Variants in ERCC8 observed in about 807,000 individuals in gnomAD.
The protein encoded by ERCC8 is ERCC excision repair 8, CSA ubiquitin ligase complex subunit.
ERCC8 carries 52 observed loss-of-function variants against 54.9 expected under a neutral mutation model. The observed-to-expected ratio is 0.95, with a 90% CI of 0.76 to 1.19. The LOEUF is 1.19. Ranked by LOEUF, ERCC8 falls within the 50% of genes most tolerant of loss-of-function variation. The pLI is 0.00. For missense variants in ERCC8, 514 were observed against 466.1 expected (o/e 1.10, Z -0.95); for synonymous variants, 146 against 157.2 (o/e 0.93, Z 0.53).
intron 1 of ERCC8, among the ~76,000 whole-genome samples, chr5:60,944,523 T>C (rs1750365384): frequency 6.6e-6 from 1 of 152,230 alleles, no homozygotes; most frequent in African/African-American, 2.4e-5. Context: ...TCCTGGCCTG[T>C]GTCCTCTGCC....
chr5:60,940,501 G>A (rs1000152795), intron 1 of ERCC8, among the ~76,000 whole-genome samples: 1 of 152,230 alleles, frequency 6.6e-6, no homozygotes, highest in South Asian at 2.1e-4. Context: ...GGCCAAAACA[G>A]GGAGTCCCAG....
intron 9 of ERCC8, among the ~76,000 whole-genome samples, chr5:60,891,629 AG>A (rs1434379933): frequency 6.9e-6 from 1 of 145,946 alleles, no homozygotes; most frequent in African/African-American, 2.6e-5. Flanking sequence ...TTTTTTGGGG[AG>A]GGGGTAATGA....
intron 1 of ERCC8, among the ~76,000 whole-genome samples, chr5:60,938,088 TTA>T (rs1340493028): frequency 0.24 from 6,460 of 27,394 alleles, 532 homozygotes; most frequent in African/African-American, 0.31. Context: ...TATATATATT[TTA>T]TTTTTTTTTT....
At chr5:60,936,157 T>G in intron 1 of ERCC8, among the ~76,000 whole-genome samples, 1 of 152,036 alleles carries the variant, frequency 6.6e-6, no homozygotes, top group East Asian at 1.9e-4. Flanking sequence ...TACCTAAACT[T>G]TTTTTGGTAA....
At chr5:60,940,343 T>G (rs1750220999) in intron 1 of ERCC8, among the ~76,000 whole-genome samples, 1 of 152,242 alleles carries the variant, frequency 6.6e-6, no homozygotes, top group South Asian at 2.1e-4. Flanking sequence ...AATTGTTTTC[T>G]CTGTTCATCA....
At chr5:60,944,826 G>A (rs956195083) in intron 1 of ERCC8, 106 bp downstream of exon 1, 7 of 840,772 alleles carry the variant, frequency 8.3e-6, no homozygotes, top group Non-Finnish European at 1.0e-5. Flanking sequence ...GCAAATAATA[G>A]TTTGGTGGCA....
At chr5:60,893,053 C>A (rs1221947329) in intron 9 of ERCC8, 1 of 780,608 alleles carries the variant, frequency 1.3e-6, no homozygotes, top group Non-Finnish European at 2.4e-6. Context: ...AGCCACTTCA[C>A]AACCTCCTTG....
Position 60,921,956 on chromosome 5 carries a change from G to C in ERCC8, c.275+98C>G. On this transcript the variant is annotated intron_variant, in intron 3 of 11. Coordinates refer to ENST00000676185, the MANE Select transcript of ERCC8 (RefSeq NM_000082.4). ...AATGTGTTATGTGAACCATTCGCTT[G>C]ACCCATTCACTTGACTGCAATTTTC... 5 of 760,954 alleles carry C rather than the reference G, an allele frequency of 6.6e-6. 1 individual carries two copies. Among genetic ancestry groups the C allele is most frequent in the Middle Eastern group, 2.7e-4 (1 of 3,716 alleles). The allele number at this position is 760,954 out of a possible 1,614,324, so 47.1% of individuals were successfully genotyped here. A position where few individuals can be genotyped will look rare whatever the true frequency, so the allele number is the denominator to read the frequency against.
intron 1 of ERCC8, among the ~76,000 whole-genome samples, chr5:60,937,568 G>A (rs533445143): frequency 9.8e-5 from 15 of 152,288 alleles, no homozygotes; most frequent in Admixed American, 3.9e-4. Context: ...GGTCACCAAG[G>A]AAGTTGGGGA....
chr5:60,878,220 C>G (rs561241962), intron 11 of ERCC8, among the ~76,000 whole-genome samples: 71 of 152,260 alleles, frequency 4.7e-4, no homozygotes, highest in Non-Finnish European at 5.9e-4. Flanking sequence ...AGGGATGAAG[C>G]CCACTTGTTC....
chr5:60,872,810 G>C lies in ERCC8; in HGVS notation c.*1805C>G, dbSNP rs145337751. ...CATATGATCCAGCAATCCTAATACT[G>C]GGCTTATATCCAAAGGATATGAAAT... is the stretch of plus-strand genomic sequence containing the variant. On this transcript the variant is annotated 3_prime_UTR_variant, in exon 12 of 12. Coordinates refer to ENST00000676185, the MANE Select transcript of ERCC8 (RefSeq NM_000082.4). 0.012 allele frequency among the ~76,000 whole-genome samples: 1,836 copies of C among 152,248 alleles called. 14 individuals carry two copies. Among genetic ancestry groups the C allele is most frequent in the South Asian group, 0.027 (131 of 4,828 alleles).
intron 11 of ERCC8, among the ~76,000 whole-genome samples, chr5:60,884,775 C>T (rs937752486): frequency 6.6e-6 from 1 of 151,776 alleles, no homozygotes; most frequent in African/African-American, 2.4e-5. Flanking sequence ...TTAGCACATA[C>T]CATTTTATAT....
intron 2 of ERCC8, among the ~76,000 whole-genome samples, chr5:60,922,974 A>G (rs879528361): frequency 6.6e-6 from 1 of 152,170 alleles, no homozygotes; most frequent in Non-Finnish European, 1.5e-5. Flanking sequence ...ATTCAAAGTT[A>G]GCCAGAAAGG....
rs184684420 is a variant in ERCC8, at chr5:60,882,268, A to T, written c.1122+5172T>A. On this transcript the variant is annotated intron_variant, in intron 11 of 11. Coordinates refer to ENST00000676185, the MANE Select transcript of ERCC8 (RefSeq NM_000082.4). ...ACAGTAGAAAAAGTTACGTGTTCCT[A>T]GTACATTTTCCAAGTATCAGCTAGA... Among the ~76,000 whole-genome samples, 7 of 152,360 alleles carry T rather than the reference A, an allele frequency of 4.6e-5. No individual in the cohort carries two copies. In the East Asian group the frequency reaches 1.3e-3, roughly 29 times the overall value.
intron 3 of ERCC8, among the ~76,000 whole-genome samples, chr5:60,919,879 A>G (rs1032989577): frequency 6.6e-6 from 1 of 151,964 alleles, no homozygotes; most frequent in Non-Finnish European, 1.5e-5. Flanking sequence ...TAATTATGGG[A>G]AGAAAGGTGT....
At chr5:60,893,577 T>A in intron 9 of ERCC8, 1 of 665,518 alleles carries the variant, frequency 1.5e-6, no homozygotes, top group East Asian at 2.7e-5. Context: ...AGTTTCATCA[T>A]CATGATCAGC....
chr5:60,888,550 G>T (rs1748462112), intron 10 of ERCC8, among the ~76,000 whole-genome samples: 1 of 152,130 alleles, frequency 6.6e-6, no homozygotes, highest in Non-Finnish European at 1.5e-5. Context: ...AGATGTTCAA[G>T]AAAGAGATAT....
intron 9 of ERCC8, chr5:60,893,041 C>T: frequency 1.3e-6 from 1 of 782,622 alleles, no homozygotes; most frequent in Non-Finnish European, 2.4e-6. Context: ...CGAAGGTAAT[C>T]CAGCCACTTC....
chr5:60,889,942 C>T (rs1416354438), intron 10 of ERCC8, among the ~76,000 whole-genome samples: 2 of 152,144 alleles, frequency 1.3e-5, no homozygotes, highest in East Asian at 3.9e-4. Flanking sequence ...TGTAGGTCCC[C>T]TTTTAGTTGC....
Sources: gnomAD v4.1 joint callset for allele counts (sites outside exome capture counted in the v4.1 genomes callset) on GRCh38, gnomAD v4.1.1 for gene constraint, MANE v1.5 for transcripts, NCBI Gene and HGNC (gene_info 2026-07-23, HGNC 2026-07-21) for gene names.